Variants in LAMP3 observed in about 807,000 individuals in gnomAD.
The protein encoded by LAMP3 is lysosome associated membrane protein 3, also known as lysosome-associated membrane glycoprotein 3.
LAMP3 carries 26 observed loss-of-function variants against 34.8 expected under a neutral mutation model. The ratio of observed to expected loss-of-function variants is 0.75; its 90% CI spans 0.55 to 1.04. The LOEUF is 1.04. Among genes scored for constraint, LAMP3 ranks in the 50% least tolerant of loss-of-function variants. The probability of loss-of-function intolerance (pLI) is 0.00; values close to 1 mark genes in which losing one functional copy is unlikely to be tolerated. For synonymous variants in LAMP3, 180 were observed against 201.9 expected, an observed-to-expected ratio of 0.89 and a Z score of 0.92; for missense variants, 495 against 524.0, an observed-to-expected ratio of 0.94 and a Z score of 0.54.
chr3:183,130,368 T>C (rs1009904882), intron 5 of LAMP3, among the ~76,000 whole-genome samples: 5 of 151,834 alleles, frequency 3.3e-5, no homozygotes, highest in East Asian at 1.9e-4. Context: ...CTATGTTAGC[T>C]AGGATGGTCT....
intron 1 of LAMP3, 82 bp downstream of exon 1, chr3:183,162,525 G>A (rs1282550353): frequency 9.3e-6 from 13 of 1,390,490 alleles, no homozygotes; most frequent in Middle Eastern, 1.8e-4. Flanking sequence ...CCGTCCTGTG[G>A]CGCCCGGGAC....
chr3:183,145,445 C>G (rs192263338), intron 3 of LAMP3, among the ~76,000 whole-genome samples: 1 of 152,332 alleles, frequency 6.6e-6, no homozygotes, highest in African/African-American at 2.4e-5. Flanking sequence ...AGATCATGAG[C>G]AGCCTGTCCA....
At position 183,154,233 on chromosome 3, in the gene LAMP3, C is replaced by T. The variant is rs1457700227; in HGVS notation, c.208G>A (p.Asp70Asn). The change falls in exon 2 of 6, where the codon GAT (aspartate) becomes AAT (asparagine). Residue 70 changes from aspartate (D) to asparagine (N), a missense_variant. Physicochemically the swap from Asp to Asn is conservative, Grantham distance 23. Coordinates refer to ENST00000265598, the MANE Select transcript of LAMP3 (RefSeq NM_014398.4). ...PHQTLAARFM[D>N]GHITFQTAAT... is the part of the protein sequence containing the mutation. ...GCTGTTTGAAAGGTGATATGACCAT[C>T]CATGAATCTTGCTGCTAAAGTTTGG... 6.2e-7 allele frequency: 1 copy of T among 1,614,066 alleles called. No homozygotes were observed. Among genetic ancestry groups the T allele is most frequent in the Admixed American group, 1.7e-5 (1 of 60,008 alleles).
rs1289493902 is a variant in LAMP3 at position 183,126,563 on chromosome 3, T to TGTGTGTGTGTGC, written c.1118-2350_1118-2349insGCACACACACAC. On this transcript the variant is annotated intron_variant, in intron 5 of 5. Transcript: ENST00000265598. ...GTGTGTGTGTGTGTGTGTGTGTGTG[T>TGTGTGTGTGTGC]GCACACGTGTGCATGTGTGCAAACT... Among the ~76,000 whole-genome samples the TGTGTGTGTGTGC allele has an allele frequency of 6.8e-4, 102 of 149,162 alleles. 1 individual carries two copies. The highest frequency in any genetic ancestry group is 3.4e-3 in the Middle Eastern group (1 of 290).
chr3:183,156,197 T>G (rs1437766474), intron 1 of LAMP3, among the ~76,000 whole-genome samples: 1 of 152,088 alleles, frequency 6.6e-6, no homozygotes, highest in Admixed American at 6.5e-5. Context: ...CCACCTCTAC[T>G]AAAAATAGAA....
chr3:183,126,802 A>G (rs1341683100), intron 5 of LAMP3, among the ~76,000 whole-genome samples: 2 of 152,108 alleles, frequency 1.3e-5, no homozygotes, highest in South Asian at 2.1e-4. Context: ...ATAAATAGAA[A>G]TACTTTTATT....
intron 5 of LAMP3, among the ~76,000 whole-genome samples, chr3:183,125,727 T>C (rs1326921995): frequency 1.3e-5 from 2 of 152,220 alleles, no homozygotes; most frequent in African/African-American, 2.4e-5. Flanking sequence ...TTGGAGTACA[T>C]GAAACTTTGT....
At chr3:183,156,706 AG>A (rs1357091705) in intron 1 of LAMP3, among the ~76,000 whole-genome samples, 3 of 152,350 alleles carry the variant, frequency 2.0e-5, no homozygotes, top group African/African-American at 7.2e-5. Context: ...CCTTAGGTCA[AG>A]GGTCATCTTT....
At chr3:183,160,481 A>C (rs796749854) in intron 1 of LAMP3, among the ~76,000 whole-genome samples, 26 of 152,286 alleles carry the variant, frequency 1.7e-4, no homozygotes, top group African/African-American at 6.3e-4. Flanking sequence ...CTTCCACCTC[A>C]GGATCCCAAA....
intron 1 of LAMP3, chr3:183,158,026 A>T (rs1352575078): frequency 6.6e-6 from 1 of 152,430 alleles, no homozygotes; most frequent in Non-Finnish European, 1.5e-5. Flanking sequence ...AAATGGCTCA[A>T]CCAAAAGTGC....
rs184149461 is a variant in LAMP3 at position 183,150,511 on chromosome 3, T to C, written c.888+1864A>G. On this transcript the variant is annotated intron_variant, in intron 3 of 5. Transcript: ENST00000265598. Reference sequence around the variant, plus strand: ...TCTGGGTCTGGGTGGAACTGAGCCCTGAACCAAAGCATAAATGTTTATGTC... The same window carrying C: ...TCTGGGTCTGGGTGGAACTGAGCCCCGAACCAAAGCATAAATGTTTATGTC... Among the ~76,000 whole-genome samples, 17 of 151,102 alleles carry C rather than the reference T, an allele frequency of 1.1e-4. 1 individual carries two copies. In the East Asian group the frequency reaches 3.3e-3, roughly 30 times the overall value.
In LAMP3 at chr3:183,139,421, T is replaced by C. The variant is rs115456816; in HGVS notation, c.946+1117A>G. Among the ~76,000 whole-genome samples the C allele has an allele frequency of 4.1e-3, 616 of 151,752 alleles. 2 individuals are homozygous for C. The highest frequency in any genetic ancestry group is 0.014 in the African/African-American group (591 of 41,390). On this transcript the variant is annotated intron_variant, in intron 4 of 5. Transcript: ENST00000265598. ...AAAAAAAAAAGAACTTATCACTACTTAACAGAGCACAGGAGTCCCCCTTAT... is the reference window on the plus strand; with the variant it reads ...AAAAAAAAAAGAACTTATCACTACTCAACAGAGCACAGGAGTCCCCCTTAT...
At chr3:183,155,825 G>A (rs763474723) in intron 1 of LAMP3, among the ~76,000 whole-genome samples, 1 of 152,208 alleles carries the variant, frequency 6.6e-6, no homozygotes, top group Non-Finnish European at 1.5e-5. Context: ...ACGAAAAAAT[G>A]ACAGAATGTG....
In LAMP3 at chr3:183,124,013, A is replaced by G; in HGVS notation, c.*68T>C. ...GACCCACACTCTGAGGGAATTTCCC[A>G]ACATCCATCCTGGAAGGGATGAAAG... On this transcript the variant is annotated 3_prime_UTR_variant, in exon 6 of 6. Coordinates refer to ENST00000265598, the MANE Select transcript of LAMP3 (RefSeq NM_014398.4). 6.4e-7 allele frequency: 1 copy of G among 1,572,000 alleles called. No homozygotes were observed. The highest frequency in any genetic ancestry group is 8.7e-7 in the Non-Finnish European group (1 of 1,144,026).
At chr3:183,133,547 G>A (rs553860518) in intron 5 of LAMP3, among the ~76,000 whole-genome samples, 23 of 152,224 alleles carry the variant, frequency 1.5e-4, no homozygotes, top group African/African-American at 4.3e-4. Context: ...GTAGAGATGG[G>A]GTTTTGCTAT....
chr3:183,140,410 CAAAAAAAAA>C (rs58229572), intron 4 of LAMP3, 119 bp downstream of exon 4: 108 of 194,404 alleles, frequency 5.6e-4, no homozygotes, highest in South Asian at 1.0e-3. Context: ...GACTCCATCT[CAAAAAAAAA>C]AAAAAAAAAA....
intron 2 of LAMP3, among the ~76,000 whole-genome samples, chr3:183,153,399 G>A (rs972709294): frequency 1.3e-5 from 2 of 152,120 alleles, no homozygotes; most frequent in African/African-American, 4.8e-5. Context: ...TGAGATCAAC[G>A]CTGAACATTC....
intron 5 of LAMP3, among the ~76,000 whole-genome samples, chr3:183,135,218 C>T (rs969831238): frequency 1.2e-4 from 18 of 152,158 alleles, no homozygotes; most frequent in Non-Finnish European, 2.4e-4. Context: ...TAACTGGAGA[C>T]GAGGGGCTCC....
At chr3:183,144,182 TG>T (rs1720372079) in intron 3 of LAMP3, among the ~76,000 whole-genome samples, 1 of 152,220 alleles carries the variant, frequency 6.6e-6, no homozygotes, top group Admixed American at 6.5e-5. Context: ...AAAAGGAACC[TG>T]TGATCTACTT....
Sources: allele counts gnomAD v4.1 joint callset (sites outside exome capture counted in the v4.1 genomes callset), GRCh38; gene constraint gnomAD v4.1.1; transcripts MANE v1.5; gene names NCBI Gene and HGNC (gene_info 2026-07-23, HGNC 2026-07-21).